Variants in GRIN3A observed in about 807,000 individuals in gnomAD.
GRIN3A encodes glutamate ionotropic receptor NMDA type subunit 3A, also known as glutamate receptor ionotropic, NMDA 3A.
Under a neutral mutation model 92.4 loss-of-function variants are expected in GRIN3A, and 47 were observed. That is an observed-to-expected ratio of 0.51 (90% CI 0.40 to 0.65). GRIN3A has a LOEUF of 0.65. GRIN3A is among the 30% of genes least tolerant of loss of function. The pLI is 0.00. For missense variants in GRIN3A, 1,324 were observed against 1,393.1 expected (o/e 0.95, Z 0.79); for synonymous variants, 527 against 540.6 (o/e 0.97, Z 0.35).
intron 1 of GRIN3A, among the ~76,000 whole-genome samples, chr9:101,725,313 G>A (rs62576359): frequency 0.082 from 12,486 of 152,188 alleles, 824 homozygotes; most frequent in African/African-American, 0.18. Flanking sequence ...GAGCAGAATG[G>A]TCTGGTGGAA....
chr9:101,674,629 G>T (rs1325718399), intron 2 of GRIN3A, among the ~76,000 whole-genome samples: 2 of 151,976 alleles, frequency 1.3e-5, no homozygotes, highest in Admixed American at 6.6e-5. Flanking sequence ...AGCAATGTGG[G>T]TATAAAAAAG....
At chr9:101,671,320 C>T (rs145619798) in intron 2 of GRIN3A, among the ~76,000 whole-genome samples, 1 of 152,286 alleles carries the variant, frequency 6.6e-6, no homozygotes, top group East Asian at 1.9e-4. Context: ...AGATTTCACT[C>T]TCAGGTTCTA....
intron 3 of GRIN3A, among the ~76,000 whole-genome samples, chr9:101,646,431 T>C (rs1828939382): frequency 6.6e-6 from 1 of 151,956 alleles, no homozygotes; most frequent in Non-Finnish European, 1.5e-5. Context: ...CTTTGTAGTA[T>C]ATTTTGAAAT....
Position 101,737,271 on chromosome 9 carries a change from C to A in GRIN3A, c.699+10G>T. ...GCCCATCTCCACTCCACGCACCAGG[C>A]TCCTCTCACCTGACTCTCCCGTGGA... On this transcript the variant is annotated intron_variant, in intron 1 of 8. Coordinates refer to ENST00000361820, the MANE Select transcript of GRIN3A (RefSeq NM_133445.3). The A allele has an allele frequency of 6.2e-7, 1 of 1,612,560 alleles. No homozygotes were observed. The highest frequency in any genetic ancestry group is 8.5e-7 in the Non-Finnish European group (1 of 1,178,558).
At chr9:101,642,826 G>A (rs1828884390) in intron 3 of GRIN3A, among the ~76,000 whole-genome samples, 1 of 152,098 alleles carries the variant, frequency 6.6e-6, no homozygotes, top group African/African-American at 2.4e-5. Context: ...AGATTCTTAT[G>A]AGAATCTAAT....
chr9:101,583,076 TA>T (rs1302177582), intron 6 of GRIN3A, among the ~76,000 whole-genome samples: 1 of 152,214 alleles, frequency 6.6e-6, no homozygotes, highest in Non-Finnish European at 1.5e-5. Context: ...CCCTGTAAGT[TA>T]AGTGTTATTA....
chr9:101,701,580 C>A (rs1050958876), intron 1 of GRIN3A, among the ~76,000 whole-genome samples: 1 of 151,922 alleles, frequency 6.6e-6, no homozygotes, highest in African/African-American at 2.4e-5. Context: ...CCTAGGAAAA[C>A]AAACAAACAA....
At chr9:101,673,524 G>T (rs987294404) in intron 2 of GRIN3A, among the ~76,000 whole-genome samples, 1 of 152,086 alleles carries the variant, frequency 6.6e-6, no homozygotes, top group Non-Finnish European at 1.5e-5. Context: ...TTAGTCTTAC[G>T]ATAAGGGTGA....
chr9:101,612,485 G>A (rs1477644273), intron 6 of GRIN3A, among the ~76,000 whole-genome samples: 1 of 152,164 alleles, frequency 6.6e-6, no homozygotes. Flanking sequence ...CAAATAGGAA[G>A]GTGGATACAT....
intron 3 of GRIN3A, among the ~76,000 whole-genome samples, chr9:101,640,482 T>C (rs562931979): frequency 6.6e-6 from 1 of 152,306 alleles, no homozygotes; most frequent in African/African-American, 2.4e-5. Flanking sequence ...ATTAAGCAAT[T>C]TGGCCAAGAT....
chr9:101,575,169 A>G (rs1432235917), intron 8 of GRIN3A, among the ~76,000 whole-genome samples: 1 of 152,134 alleles, frequency 6.6e-6, no homozygotes, highest in East Asian at 1.9e-4. Flanking sequence ...GTTCTTTAAC[A>G]TGCCTCATAG....
intron 3 of GRIN3A, among the ~76,000 whole-genome samples, chr9:101,639,650 C>G (rs867810450): frequency 3.4e-4 from 52 of 152,336 alleles, no homozygotes; most frequent in African/African-American, 1.2e-3. Flanking sequence ...CACAGCTACT[C>G]AAATCCTCAT....
At chr9:101,597,653 A>G (rs1271750901) in intron 6 of GRIN3A, among the ~76,000 whole-genome samples, 2 of 152,230 alleles carry the variant, frequency 1.3e-5, no homozygotes, top group Non-Finnish European at 2.9e-5. Flanking sequence ...GTTACAACAC[A>G]TTAGTGAGTG....
chr9:101,681,695 C>CT (rs1008362638), intron 2 of GRIN3A, among the ~76,000 whole-genome samples: 181 of 17,870 alleles, frequency 0.01, 59 homozygotes, highest in East Asian at 0.037. Context: ...TATCCCTATT[C>CT]TTTTTTTTTT....
chr9:101,653,789 T>C (rs1829045227), intron 3 of GRIN3A, among the ~76,000 whole-genome samples: 1 of 151,916 alleles, frequency 6.6e-6, no homozygotes, highest in Admixed American at 6.6e-5. Context: ...TTTTCCATTT[T>C]ATATGTATGA....
In GRIN3A at chr9:101,670,601, T is replaced by C; in HGVS notation, c.1811A>G (p.Lys604Arg). 6.2e-7 allele frequency: 1 copy of C among 1,614,076 alleles called. No homozygotes were observed. Residue 604 changes from lysine (K) to arginine (R), a missense_variant, in exon 3 of 9, where the codon AAG becomes AGG. By Grantham distance (26) the Lys-to-Arg change is conservative. Transcript: ENST00000361820. The part of the protein sequence containing the change: ...DFDLYIVGDG[K>R]YGAWKNGHWT... Reference sequence around the variant, plus strand: ...GTGCCCATTTTTCCATGCTCCATACTTTCCATCCCCTACAATATAGAGGTC... The same window carrying C: ...GTGCCCATTTTTCCATGCTCCATACCTTCCATCCCCTACAATATAGAGGTC...
chr9:101,724,220 G>C (rs1830053820), intron 1 of GRIN3A, among the ~76,000 whole-genome samples: 1 of 152,216 alleles, frequency 6.6e-6, no homozygotes, highest in Non-Finnish European at 1.5e-5. Context: ...GGGTGTGGGA[G>C]GCTCAGGCAT....
intron 6 of GRIN3A, among the ~76,000 whole-genome samples, chr9:101,589,403 C>G (rs1375278591): frequency 6.6e-6 from 1 of 152,150 alleles, no homozygotes; most frequent in African/African-American, 2.4e-5. Context: ...GGGTGAAAGC[C>G]ATTCCCAATG....
chr9:101,713,416 A>C (rs779405991), intron 1 of GRIN3A, among the ~76,000 whole-genome samples: 1 of 152,230 alleles, frequency 6.6e-6, no homozygotes, highest in Non-Finnish European at 1.5e-5. Flanking sequence ...TGTTACATAC[A>C]CAAGCTGATG....
Sources: gnomAD v4.1 joint callset for allele counts (sites outside exome capture counted in the v4.1 genomes callset) on GRCh38, gnomAD v4.1.1 for gene constraint, MANE v1.5 for transcripts, NCBI Gene and HGNC (gene_info 2026-07-23, HGNC 2026-07-21) for gene names.